NEGR1: variants seen among roughly 807,000 people sequenced by gnomAD.
NEGR1 encodes IgLON family member 4.
In NEGR1, 10 loss-of-function variants were observed where a neutral mutation model predicts 40.9. The observed-to-expected ratio is 0.24, with a 90% CI of 0.15 to 0.42. NEGR1 has a LOEUF of 0.42. NEGR1 is among the 10% of genes least tolerant of loss of function. The pLI, the probability that NEGR1 is intolerant of heterozygous loss-of-function variation, is 1.00. For synonymous variants in NEGR1, 185 were observed against 166.8 expected (o/e 1.11, Z -0.84); for missense variants, 352 against 438.9 (o/e 0.80, Z 1.77).
intron 4 of NEGR1, among the ~76,000 whole-genome samples, chr1:71,636,294 A>T (rs1651148997): frequency 6.6e-6 from 1 of 152,104 alleles, no homozygotes; most frequent in Admixed American, 6.6e-5. Flanking sequence ...GTTCCAGGGA[A>T]ATTAATAATC....
intron 1 of NEGR1, among the ~76,000 whole-genome samples, chr1:72,079,921 G>A (rs1232426804): frequency 6.6e-6 from 1 of 151,904 alleles, no homozygotes; most frequent in Non-Finnish European, 1.5e-5. Context: ...ATTTTAGACG[G>A]CTTAACAGAA....
chr1:71,434,482 T>C (rs1035539824), intron 6 of NEGR1, among the ~76,000 whole-genome samples: 1 of 152,208 alleles, frequency 6.6e-6, no homozygotes, highest in African/African-American at 2.4e-5. Context: ...CACTGTGTGA[T>C]AGTAATCATC....
chr1:71,511,891 T>C (rs941506715), intron 6 of NEGR1, among the ~76,000 whole-genome samples: 1 of 152,166 alleles, frequency 6.6e-6, no homozygotes, highest in African/African-American at 2.4e-5. Context: ...AAATTCTACA[T>C]CAGAATTTTA....
At chr1:71,740,413 T>C (rs1277197162) in intron 3 of NEGR1, among the ~76,000 whole-genome samples, 2 of 152,156 alleles carry the variant, frequency 1.3e-5, no homozygotes, top group Non-Finnish European at 1.5e-5. Context: ...GAGAGGAATA[T>C]ATGGTAGTAG....
intron 1 of NEGR1, among the ~76,000 whole-genome samples, chr1:72,177,161 T>C (rs1445616398): frequency 1.3e-5 from 2 of 152,092 alleles, no homozygotes; most frequent in African/African-American, 4.8e-5. Flanking sequence ...CCAAATAAGA[T>C]AGATACCACT....
intron 1 of NEGR1, among the ~76,000 whole-genome samples, chr1:72,179,864 A>T (rs1652301663): frequency 6.6e-6 from 1 of 152,116 alleles, no homozygotes; most frequent in African/African-American, 2.4e-5. Flanking sequence ...ACTATAAAAC[A>T]TTGATGAAAG....
intron 6 of NEGR1, among the ~76,000 whole-genome samples, chr1:71,544,932 C>T (rs1165146871): frequency 6.6e-6 from 1 of 151,818 alleles, no homozygotes. Flanking sequence ...CTTTCCTCCC[C>T]TAAAACTGAG....
At chr1:72,259,318 G>A (rs7518135) in intron 1 of NEGR1, among the ~76,000 whole-genome samples, 14,921 of 152,050 alleles carry the variant, frequency 0.098, 2,479 homozygotes, top group African/African-American at 0.34. Context: ...GATGGTTAAC[G>A]GATAAGGATA....
chr1:72,040,504 T>C (rs573370740), intron 1 of NEGR1, among the ~76,000 whole-genome samples: 2 of 136,378 alleles, frequency 1.5e-5, no homozygotes, highest in South Asian at 2.2e-4. Context: ...ATGGAATAGA[T>C]GCTGATTATT....
chr1:71,547,060 A>T (rs1457752701), intron 6 of NEGR1, among the ~76,000 whole-genome samples: 1 of 151,692 alleles, frequency 6.6e-6, no homozygotes, highest in Non-Finnish European at 1.5e-5. Context: ...TTTTAAAACA[A>T]ATTTTCTAAC....
chr1:71,979,272 T>C (rs1242150984), intron 1 of NEGR1, among the ~76,000 whole-genome samples: 4 of 152,136 alleles, frequency 2.6e-5, no homozygotes, highest in African/African-American at 4.8e-5. Flanking sequence ...GCTTAGTACC[T>C]GGGTGATGAC....
At chr1:71,437,352 CA>C (rs1288106183) in intron 6 of NEGR1, among the ~76,000 whole-genome samples, 5 of 152,062 alleles carry the variant, frequency 3.3e-5, no homozygotes, top group African/African-American at 1.2e-4. Flanking sequence ...GTGATGGTTG[CA>C]CAACTCTATG....
At chr1:71,849,989 TG>T (rs1284975854) in intron 2 of NEGR1, among the ~76,000 whole-genome samples, 2 of 152,136 alleles carry the variant, frequency 1.3e-5, no homozygotes, top group Non-Finnish European at 1.5e-5. Context: ...TTTATTACAG[TG>T]GTCTGGAAAC....
In NEGR1 at chr1:72,120,524, T is replaced by A. The variant is rs528954917; in HGVS notation, c.176+161795A>T. Among the ~76,000 whole-genome samples the A allele has an allele frequency of 3.3e-5, 5 of 151,326 alleles. No individual in the cohort carries two copies. The East Asian group carries it at 5.9e-4, about 18-fold the overall frequency. Reference sequence around the variant, plus strand: ...TCTTTTTTTTTCTTTCTTTTTTTTATCATACTTTAAGTTTTAGGGTACATG... The same window carrying A: ...TCTTTTTTTTTCTTTCTTTTTTTTAACATACTTTAAGTTTTAGGGTACATG... On this transcript the variant is annotated intron_variant, in intron 1 of 6. Transcript: ENST00000357731.
At chr1:72,014,080 A>G (rs574454290) in intron 1 of NEGR1, among the ~76,000 whole-genome samples, 2 of 151,314 alleles carry the variant, frequency 1.3e-5, no homozygotes, top group Non-Finnish European at 3.0e-5. Context: ...GCTCTGGGGA[A>G]GGTTAAAGAA....
At chr1:72,129,916 A>G (rs1650178260) in intron 1 of NEGR1, among the ~76,000 whole-genome samples, 1 of 152,082 alleles carries the variant, frequency 6.6e-6, no homozygotes, top group Admixed American at 6.6e-5. Flanking sequence ...CTAATTCACC[A>G]TTGCCTTTGC....
chr1:72,031,996 C>A (rs1409851178), intron 1 of NEGR1, among the ~76,000 whole-genome samples: 1 of 152,234 alleles, frequency 6.6e-6, no homozygotes, highest in South Asian at 2.1e-4. Context: ...GATTTAATGA[C>A]AAAAACAGAC....
At chr1:71,985,461 A>G (rs890042024) in intron 1 of NEGR1, among the ~76,000 whole-genome samples, 1 of 152,192 alleles carries the variant, frequency 6.6e-6, no homozygotes, top group Admixed American at 6.5e-5. Context: ...TGGGGTGTAT[A>G]AAGGTTAAGC....
At chr1:72,065,052 T>C (rs545881676) in intron 1 of NEGR1, among the ~76,000 whole-genome samples, 21 of 152,152 alleles carry the variant, frequency 1.4e-4, no homozygotes, top group African/African-American at 4.3e-4. Context: ...AGAAAACAAC[T>C]CTTATTTTGA....
Sources: gnomAD v4.1 joint callset for allele counts (sites outside exome capture counted in the v4.1 genomes callset) on GRCh38, gnomAD v4.1.1 for gene constraint, MANE v1.5 for transcripts, NCBI Gene and HGNC (gene_info 2026-07-23, HGNC 2026-07-21) for gene names.